INSC: variants seen among roughly 807,000 people sequenced by gnomAD.
INSC encodes protein inscuteable homolog.
A neutral mutation model predicts 58.6 loss-of-function variants in INSC; 67 were observed. The ratio of observed to expected loss-of-function variants is 1.14; its 90% CI spans 0.94 to 1.40. The LOEUF (loss-of-function observed/expected upper bound fraction) is 1.40, where lower values mean the gene tolerates loss of function less well. Among genes scored for constraint, INSC ranks in the 40% most tolerant of loss-of-function variants. INSC has a pLI of 0.00. For missense variants in INSC, 714 were observed against 692.0 expected (o/e 1.03, Z -0.36); for synonymous variants, 262 against 276.1 (o/e 0.95, Z 0.51).
chr11:15,257,835 C>T, the INSC span, among the ~76,000 whole-genome samples: 1 of 152,106 alleles, frequency 6.6e-6, no homozygotes, highest in Non-Finnish European at 1.5e-5. Flanking sequence ...CAGCCCTGCC[C>T]ACCCTTGATC....
chr11:15,146,522 T>A (rs1352912851), intron 1 of INSC, among the ~76,000 whole-genome samples: 1 of 152,188 alleles, frequency 6.6e-6, no homozygotes, highest in Admixed American at 6.5e-5. Context: ...CAGCTCCCCC[T>A]GCATAACTGC....
At chr11:15,169,432 C>T (rs1173326055) in intron 2 of INSC, among the ~76,000 whole-genome samples, 1 of 152,238 alleles carries the variant, frequency 6.6e-6, no homozygotes, top group African/African-American at 2.4e-5. Context: ...TTTCACCTAT[C>T]ATCCTGGAGC....
intron 1 of INSC, among the ~76,000 whole-genome samples, chr11:15,143,536 G>T (rs1489190309): frequency 6.6e-6 from 1 of 152,180 alleles, no homozygotes; most frequent in Non-Finnish European, 1.5e-5. Context: ...AGGCAAGTAG[G>T]CCATGGCAGG....
At chr11:15,249,786 C>T (rs1852631227), downstream of INSC, among the ~76,000 whole-genome samples, 1 of 152,164 alleles carries the variant, frequency 6.6e-6, no homozygotes, top group Non-Finnish European at 1.5e-5. Context: ...GTAACTTTCA[C>T]CCTGCTGACT....
chr11:15,253,520 G>A, the INSC span, among the ~76,000 whole-genome samples: 2 of 152,178 alleles, frequency 1.3e-5, no homozygotes, highest in South Asian at 2.1e-4. Flanking sequence ...AACTCATAGT[G>A]TGGAAAGATG....
chr11:15,141,634 A>G (rs1278770736), intron 1 of INSC, among the ~76,000 whole-genome samples: 1 of 152,088 alleles, frequency 6.6e-6, no homozygotes. Context: ...CTCCCCTGGG[A>G]ACGAGGGGTG....
intron 9 of INSC, among the ~76,000 whole-genome samples, chr11:15,232,930 C>G (rs577575440): frequency 3.9e-5 from 6 of 152,288 alleles, no homozygotes; most frequent in African/African-American, 1.4e-4. Flanking sequence ...TTGATTTTTG[C>G]TATGTAAGAC....
chr11:15,173,528 A>T (rs1247969461), intron 2 of INSC, among the ~76,000 whole-genome samples: 1 of 152,112 alleles, frequency 6.6e-6, no homozygotes, highest in African/African-American at 2.4e-5. Flanking sequence ...ATTAAATATG[A>T]TTTCATAAGG....
chr11:15,248,470 C>G (rs914935980), downstream of INSC, among the ~76,000 whole-genome samples: 2 of 152,176 alleles, frequency 1.3e-5, no homozygotes, highest in African/African-American at 4.8e-5. Context: ...TGTCTTAGGA[C>G]TCCCCAGAGA....
At chr11:15,226,686 T>C (rs1371043422) in intron 9 of INSC, among the ~76,000 whole-genome samples, 1 of 152,226 alleles carries the variant, frequency 6.6e-6, no homozygotes, top group Admixed American at 6.5e-5. Flanking sequence ...ATCTCTTAAC[T>C]GAAGCTGCTT....
chr11:15,112,591 AGTGTGTGTGTGTGTGTGT>A (rs375142839), upstream of INSC: 271 of 367,236 alleles, frequency 7.4e-4, 1 homozygote, highest in African/African-American at 6.4e-3. Context: ...GGTGGATGTG[AGTGTGTGTGTGTGTGTGT>A]GTGTGTGTGT....
intron 6 of INSC, among the ~76,000 whole-genome samples, chr11:15,192,976 G>A (rs1447289875): frequency 1.3e-5 from 2 of 152,204 alleles, no homozygotes; most frequent in Non-Finnish European, 2.9e-5. Context: ...ATTCTGTGAG[G>A]AGGGTGGTAC....
chr11:15,253,658 A>G, the INSC span, among the ~76,000 whole-genome samples: 2 of 152,006 alleles, frequency 1.3e-5, no homozygotes, highest in Admixed American at 1.3e-4. Context: ...AATATTCAGA[A>G]AGGTGGAACC....
chr11:15,115,143 G>A (rs1847661782), intron 1 of INSC, 140 bp downstream of exon 1: 1 of 430,956 alleles, frequency 2.3e-6, no homozygotes, highest in Non-Finnish European at 3.1e-6. Context: ...GGGAGCTTGC[G>A]CCAGTGTGAG....
In INSC at chr11:15,200,899, A is replaced by C; in HGVS notation, c.769A>C (p.Thr257Pro). 6.2e-7 allele frequency: 1 copy of C among 1,613,624 alleles called. No homozygotes were observed. The highest frequency in any genetic ancestry group is 8.5e-7 in the Non-Finnish European group (1 of 1,179,944). Residue 257 changes from threonine (T) to proline (P), a missense_variant, in exon 7 of 13, where the codon ACG becomes CCG. Transcript: ENST00000379556. The stretch of plus-strand genomic sequence containing the variant: ...GTGCTTGTACCCCCAGGCGCTCCGC[A>C]CGCTGGCCTCCATCTGCTGCGTGGA... ...FRCLYPQALR[T>P]LASICCVEEG...
chr11:15,227,103 C>T (rs926074257), intron 9 of INSC, among the ~76,000 whole-genome samples: 1 of 152,190 alleles, frequency 6.6e-6, no homozygotes, highest in Admixed American at 6.5e-5. Context: ...TATTTTGGCT[C>T]AAGAGGATGT....
intron 9 of INSC, among the ~76,000 whole-genome samples, chr11:15,230,958 A>C (rs950831293): frequency 8.5e-5 from 13 of 152,228 alleles, no homozygotes; most frequent in Non-Finnish European, 1.8e-4. Flanking sequence ...CAGAGAGAAG[A>C]AGCCATCTGC....
chr11:15,226,270 A>G lies in INSC; in HGVS notation c.1170+442A>G, dbSNP rs373525828. Among the ~76,000 whole-genome samples, 6 of 152,158 alleles carry G rather than the reference A, an allele frequency of 3.9e-5. No homozygotes were observed. The East Asian group carries it at 1.2e-3, about 30-fold the overall frequency. On this transcript the variant is annotated intron_variant, in intron 9 of 12. Coordinates refer to ENST00000379556, the MANE Select transcript of INSC (RefSeq NM_001042536.3). ...TGGTGGCCGTCTAACACTGAACCCT[A>G]TAGTGAACTGCTCCCCTCTTTATCT...
At chr11:15,190,944 G>A (rs1850147006) in intron 6 of INSC, 130 bp downstream of exon 6, 1 of 622,078 alleles carries the variant, frequency 1.6e-6, no homozygotes, top group Admixed American at 2.7e-5. Flanking sequence ...CTCCTTGGGA[G>A]AGTCACTTAT....
Sources: allele counts gnomAD v4.1 joint callset (sites outside exome capture counted in the v4.1 genomes callset), GRCh38; gene constraint gnomAD v4.1.1; transcripts MANE v1.5; gene names NCBI Gene and HGNC (gene_info 2026-07-23, HGNC 2026-07-21).